Variants in AFG2A observed in about 807,000 individuals in gnomAD.
AFG2A encodes ATPase family gene 2 protein homolog A.
the AFG2A span, among the ~76,000 whole-genome samples, chr4:123,037,380 C>T: frequency 7.5e-4 from 114 of 152,006 alleles, no homozygotes; most frequent in Middle Eastern, 3.4e-3. Flanking sequence ...GAAATATTGG[C>T]CATGGAATGT....
chr4:123,052,802 G>C, the AFG2A span, among the ~76,000 whole-genome samples: 1 of 152,172 alleles, frequency 6.6e-6, no homozygotes, highest in Non-Finnish European at 1.5e-5. Context: ...ATAAGCTGAG[G>C]AGCAATGAAA....
At chr4:122,931,914 A>G in the AFG2A span, among the ~76,000 whole-genome samples, 1 of 152,140 alleles carries the variant, frequency 6.6e-6, no homozygotes, top group Non-Finnish European at 1.5e-5. Context: ...GAGTTGGTAA[A>G]TTTGCAAATA....
the AFG2A span, among the ~76,000 whole-genome samples, chr4:123,158,871 T>C: frequency 6.6e-6 from 1 of 152,212 alleles, no homozygotes; most frequent in East Asian, 1.9e-4. Flanking sequence ...ATTCAGCTGC[T>C]AAAATTACAA....
chr4:122,927,101 T>C, the AFG2A span, among the ~76,000 whole-genome samples: 2 of 152,192 alleles, frequency 1.3e-5, no homozygotes, highest in African/African-American at 4.8e-5. Context: ...GACCCCCTTT[T>C]TCAGCCAAAA....
the AFG2A span, chr4:122,927,487 A>G: frequency 2.9e-6 from 2 of 689,794 alleles, no homozygotes; most frequent in East Asian, 6.1e-5. Context: ...TTTTGTTATA[A>G]CAAAAGTTGG....
the AFG2A span, chr4:122,928,902 C>T: frequency 1.9e-6 from 2 of 1,029,184 alleles, no homozygotes; most frequent in Non-Finnish European, 1.3e-6. Context: ...CAATTGGTAT[C>T]AGATTGTAAC....
chr4:122,980,498 A>C, the AFG2A span, among the ~76,000 whole-genome samples: 1 of 152,218 alleles, frequency 6.6e-6, no homozygotes, highest in Admixed American at 6.5e-5. Context: ...GAGATACTTC[A>C]TTTCCTTTTG....
the AFG2A span, chr4:123,057,257 G>T: frequency 1.5e-5 from 24 of 1,613,854 alleles, no homozygotes; most frequent in East Asian, 2.2e-5. Context: ...TTTCTTTGAT[G>T]AACTGGATGC....
chr4:122,973,202 C>A, the AFG2A span, among the ~76,000 whole-genome samples: 114 of 152,120 alleles, frequency 7.5e-4, no homozygotes, highest in Middle Eastern at 3.4e-3. Flanking sequence ...GATATAGGTG[C>A]ACTGTTATCC....
the AFG2A span, among the ~76,000 whole-genome samples, chr4:122,999,791 G>T: frequency 6.6e-6 from 1 of 151,522 alleles, no homozygotes; most frequent in Non-Finnish European, 1.5e-5. Flanking sequence ...GGCGATGCGG[G>T]CTCTTTTTTG....
the AFG2A span, chr4:122,935,656 C>T: frequency 6.8e-7 from 1 of 1,473,182 alleles, no homozygotes; most frequent in Non-Finnish European, 9.0e-7. Context: ...ACTTGTATGA[C>T]AACATTTATA....
chr4:123,207,818 G>A, the AFG2A span, among the ~76,000 whole-genome samples: 2 of 152,282 alleles, frequency 1.3e-5, no homozygotes, highest in Admixed American at 6.5e-5. Context: ...TGTGTTCATG[G>A]ATTGAAAGAC....
chr4:123,265,758 C>T, the AFG2A span, among the ~76,000 whole-genome samples: 9 of 152,138 alleles, frequency 5.9e-5, no homozygotes, highest in Admixed American at 5.2e-4. Flanking sequence ...CAGGACCTAC[C>T]AGATAATCTA....
the AFG2A span, among the ~76,000 whole-genome samples, chr4:122,998,008 T>C: frequency 6.6e-6 from 1 of 152,194 alleles, no homozygotes; most frequent in African/African-American, 2.4e-5. Context: ...CTTTGTATTA[T>C]TGAGTTGTGA....
chr4:123,216,745 A>C, the AFG2A span, among the ~76,000 whole-genome samples: 4 of 150,716 alleles, frequency 2.7e-5, no homozygotes, highest in Admixed American at 2.7e-4. Flanking sequence ...AGTTCAGTGT[A>C]GCTTCAGACT....
At chr4:123,117,585 C>T in the AFG2A span, among the ~76,000 whole-genome samples, 12 of 150,754 alleles carry the variant, frequency 8.0e-5, no homozygotes, top group South Asian at 2.1e-3. Context: ...GATCTTATTC[C>T]CACTCTTAAA....
the AFG2A span, chr4:122,938,074 A>G: frequency 1.4e-6 from 2 of 1,466,256 alleles, no homozygotes; most frequent in South Asian, 3.1e-5. Flanking sequence ...AACTAAGTAA[A>G]ACTTAAAATC....
chr4:122,977,637 A>G, the AFG2A span, among the ~76,000 whole-genome samples: 1 of 152,232 alleles, frequency 6.6e-6, no homozygotes, highest in Non-Finnish European at 1.5e-5. Context: ...TGTGGTGACC[A>G]GTGGGCGTGT....
the AFG2A span, among the ~76,000 whole-genome samples, chr4:123,044,942 A>C: frequency 1.3e-4 from 20 of 151,652 alleles, no homozygotes; most frequent in African/African-American, 3.6e-4. Flanking sequence ...TATGTTTTCT[A>C]TCTTTTCCTC....
Sources: allele counts gnomAD v4.1 joint callset (sites outside exome capture counted in the v4.1 genomes callset), GRCh38; gene constraint gnomAD v4.1.1; transcripts MANE v1.5; gene names NCBI Gene and HGNC (gene_info 2026-07-23, HGNC 2026-07-21).